Variants in MINDY3 observed in about 807,000 individuals in gnomAD.
The protein encoded by MINDY3 is MINDY lysine 48 deubiquitinase 3, also known as ubiquitin carboxyl-terminal hydrolase MINDY-3.
MINDY3 carries 38 observed loss-of-function variants against 69.2 expected under a neutral mutation model. That is an observed-to-expected ratio of 0.55 (90% confidence interval 0.42 to 0.72). The LOEUF (loss-of-function observed/expected upper bound fraction) is 0.72. MINDY3 is among the 30% of genes least tolerant of loss of function. The pLI is 0.00. For synonymous variants in MINDY3, 192 were observed against 180.1 expected (o/e 1.07, Z -0.53); for missense variants, 522 against 519.0 (o/e 1.01, Z -0.06).
chr10:15,840,796 T>C (rs1833415628), intron 4 of MINDY3, among the ~76,000 whole-genome samples: 1 of 151,630 alleles, frequency 6.6e-6, no homozygotes, highest in South Asian at 2.1e-4. Flanking sequence ...TCGGGTCAAT[T>C]ACATAACAAT....
intron 10 of MINDY3, among the ~76,000 whole-genome samples, chr10:15,797,674 A>G (rs892385042): frequency 6.6e-6 from 1 of 152,160 alleles, no homozygotes; most frequent in Admixed American, 6.5e-5. Context: ...TAACCTGAAC[A>G]GTATTTCTTA....
intron 13 of MINDY3, among the ~76,000 whole-genome samples, chr10:15,784,513 G>C (rs1349087901): frequency 6.6e-6 from 1 of 152,180 alleles, no homozygotes; most frequent in East Asian, 1.9e-4. Context: ...GGAAGGCCAG[G>C]ACGGGTGGAA....
At chr10:15,803,181 A>T (rs1838389611) in intron 10 of MINDY3, among the ~76,000 whole-genome samples, 1 of 152,116 alleles carries the variant, frequency 6.6e-6, no homozygotes. Flanking sequence ...AAGTTATGAA[A>T]CCACCTTCTA....
chr10:15,832,682 T>C (rs994203689), intron 8 of MINDY3, among the ~76,000 whole-genome samples: 1 of 152,178 alleles, frequency 6.6e-6, no homozygotes, highest in African/African-American at 2.4e-5. Context: ...GTGAACTTAG[T>C]TCTTAAATTT....
chr10:15,820,286 G>A (rs1839668510), intron 9 of MINDY3, among the ~76,000 whole-genome samples: 1 of 152,114 alleles, frequency 6.6e-6, no homozygotes, highest in African/African-American at 2.4e-5. Context: ...CGGCGTGTCT[G>A]GGAAAGTGAG....
chr10:15,832,336 GAA>G (rs1832788368), intron 8 of MINDY3, among the ~76,000 whole-genome samples: 2 of 152,048 alleles, frequency 1.3e-5, no homozygotes, highest in African/African-American at 2.4e-5. Flanking sequence ...TGGGGGTCCA[GAA>G]ACAACTGGAA....
chr10:15,819,125 TA>T (rs1354866815), intron 9 of MINDY3, among the ~76,000 whole-genome samples: 4 of 152,142 alleles, frequency 2.6e-5, no homozygotes, highest in African/African-American at 9.7e-5. Context: ...TTAATTGTAT[TA>T]ATGCATGTAT....
intron 1 of MINDY3, among the ~76,000 whole-genome samples, chr10:15,859,594 T>C (rs1834941905): frequency 6.6e-6 from 1 of 152,166 alleles, no homozygotes; most frequent in Non-Finnish European, 1.5e-5. Flanking sequence ...GCCGAGGAAG[T>C]ACTATGATCC....
chr10:15,791,724 TA>T (rs1354631461), intron 11 of MINDY3, among the ~76,000 whole-genome samples: 6 of 152,076 alleles, frequency 3.9e-5, no homozygotes, highest in Admixed American at 1.3e-4. Flanking sequence ...TGGGGAGGAA[TA>T]ACTCAATGCA....
intron 8 of MINDY3, among the ~76,000 whole-genome samples, chr10:15,824,146 G>A (rs1839941657): frequency 6.6e-6 from 1 of 152,164 alleles, no homozygotes; most frequent in Non-Finnish European, 1.5e-5. Context: ...GGTAGATACT[G>A]AGTAGTGGGA....
At chr10:15,789,456 T>A (rs1564457045) in intron 11 of MINDY3, 137 bp from the exon 12 acceptor site, 1 of 594,732 alleles carries the variant, frequency 1.7e-6, no homozygotes. Flanking sequence ...AAGTTTATTT[T>A]AGGCATAGTG....
intron 1 of MINDY3, among the ~76,000 whole-genome samples, chr10:15,849,717 T>A (rs1345134105): frequency 6.6e-6 from 1 of 152,040 alleles, no homozygotes; most frequent in African/African-American, 2.4e-5. Context: ...CCAGAGAGGG[T>A]GCCATTCCAT....
intron 3 of MINDY3, 101 bp downstream of exon 3, chr10:15,843,111 G>T: frequency 2.1e-6 from 2 of 954,378 alleles, no homozygotes; most frequent in Non-Finnish European, 3.2e-6. Context: ...GAAACCTCAG[G>T]AAAAAAAATT....
intron 10 of MINDY3, among the ~76,000 whole-genome samples, chr10:15,816,282 G>GAAAAAAAAAAAAAAAAAAAA (rs1421619763): frequency 1.9e-4 from 21 of 108,444 alleles, no homozygotes; most frequent in African/African-American, 9.3e-4. Context: ...AAAAAAAAAT[G>GAAAAAAAAAAAAAAAAAAAA]AAAAAGAAAA....
chr10:15,784,783 G>T (rs1320898549), intron 13 of MINDY3, among the ~76,000 whole-genome samples: 1 of 152,072 alleles, frequency 6.6e-6, no homozygotes, highest in Non-Finnish European at 1.5e-5. Context: ...CATCTGTTAG[G>T]GACAAGGCAG....
chr10:15,788,722 C>T (rs1264418495), intron 12 of MINDY3: 2 of 152,356 alleles, frequency 1.3e-5, no homozygotes, highest in African/African-American at 4.8e-5. Flanking sequence ...AGAATGAAGA[C>T]AATGACAGGA....
intron 1 of MINDY3, among the ~76,000 whole-genome samples, chr10:15,851,909 T>C (rs943452582): frequency 2.6e-5 from 4 of 152,162 alleles, no homozygotes; most frequent in African/African-American, 9.7e-5. Context: ...ACACTTACAA[T>C]CATTATCTAC....
At position 15,791,677 on chromosome 10, in the gene MINDY3, A is replaced by G. The variant is rs11813064; in HGVS notation, c.956-2358T>C. Among the ~76,000 whole-genome samples the G allele has an allele frequency of 9.7e-3, 1,477 of 152,200 alleles. 32 individuals carry two copies. Among genetic ancestry groups the G allele is most frequent in the African/African-American group, 0.034 (1,418 of 41,524 alleles). ...TTTAAAAGATTTTTACCAGTTGAAT[A>G]TCCAGATTGCTAAAAGTGTCAAGTC... On this transcript the variant is annotated intron_variant, in intron 11 of 14. Coordinates refer to ENST00000277632, the MANE Select transcript of MINDY3 (RefSeq NM_024948.4).
chr10:15,850,924 C>T (rs1834240247), intron 1 of MINDY3, among the ~76,000 whole-genome samples: 1 of 152,086 alleles, frequency 6.6e-6, no homozygotes, highest in Non-Finnish European at 1.5e-5. Context: ...ATTTCTCAGA[C>T]CAGCCAACAC....
Sources: gnomAD v4.1 joint callset for allele counts (sites outside exome capture counted in the v4.1 genomes callset) on GRCh38, gnomAD v4.1.1 for gene constraint, MANE v1.5 for transcripts, NCBI Gene and HGNC (gene_info 2026-07-23, HGNC 2026-07-21) for gene names.